FBXW11: variants seen among roughly 807,000 people sequenced by gnomAD.
FBXW11 encodes the protein F-box/WD repeat-containing protein 11.
FBXW11 carries 19 observed loss-of-function variants against 77.6 expected under a neutral mutation model. That is an observed-to-expected ratio of 0.24 (90% CI 0.17 to 0.36). The LOEUF (loss-of-function observed/expected upper bound fraction) is 0.36, where lower values mean the gene tolerates loss of function less well. FBXW11 is among the 10% of genes least tolerant of loss of function. The pLI, the probability that FBXW11 is intolerant of heterozygous loss-of-function variation, is 1.00. For synonymous variants in FBXW11, 235 were observed against 249.4 expected, an observed-to-expected ratio of 0.94 and a Z score of 0.54; for missense variants, 334 against 704.2, an observed-to-expected ratio of 0.47 and a Z score of 5.95.
At chr5:172,001,675 T>C (rs1315436593) in intron 1 of FBXW11, among the ~76,000 whole-genome samples, 1 of 152,224 alleles carries the variant, frequency 6.6e-6, no homozygotes, top group Middle Eastern at 3.2e-3. Flanking sequence ...ATATAGGCAG[T>C]GCTATACAGA....
In FBXW11 at chr5:171,960,398, A is replaced by G. The variant is rs528775387; in HGVS notation, c.46-2700T>C. 2.6e-5 allele frequency among the ~76,000 whole-genome samples: 4 copies of G among 152,298 alleles called. No homozygotes were observed. The South Asian group carries it at 6.2e-4, about 24-fold the overall frequency. On this transcript the variant is annotated intron_variant, in intron 1 of 13. Coordinates refer to ENST00000517395, the MANE Select transcript of FBXW11 (RefSeq NM_001378974.1). ...TCAACAACAACAACAAAAAAGGATT[A>G]CATCTGGATTCAGCAACTAATATCA...
At chr5:171,910,856 T>G (rs1179689878) in intron 3 of FBXW11, 59 bp from the exon 4 acceptor site, 1 of 1,205,332 alleles carries the variant, frequency 8.3e-7, no homozygotes, top group East Asian at 2.5e-5. Context: ...TAATTAATAT[T>G]TCATTAGAAA....
intron 2 of FBXW11, among the ~76,000 whole-genome samples, chr5:171,951,574 T>C (rs952823052): frequency 6.6e-6 from 1 of 151,236 alleles, no homozygotes; most frequent in African/African-American, 2.4e-5. Flanking sequence ...CTATTTTTTT[T>C]TGAAAATAAA....
intron 2 of FBXW11, among the ~76,000 whole-genome samples, chr5:171,930,769 A>T (rs1262119624): frequency 1.1e-4 from 17 of 149,030 alleles, no homozygotes; most frequent in African/African-American, 3.4e-4. Context: ...AAATAAAAAA[A>T]AAAAAAAGAA....
At chr5:171,952,933 ATTC>A (rs1763423459) in intron 2 of FBXW11, among the ~76,000 whole-genome samples, 1 of 151,810 alleles carries the variant, frequency 6.6e-6, no homozygotes, top group Non-Finnish European at 1.5e-5. Flanking sequence ...GTCCAAGACA[ATTC>A]TTCTTCCAAT....
At chr5:171,994,516 A>G (rs1348243686) in intron 1 of FBXW11, among the ~76,000 whole-genome samples, 2 of 152,238 alleles carry the variant, frequency 1.3e-5, no homozygotes, top group Non-Finnish European at 2.9e-5. Context: ...ATCAGTATAC[A>G]GCAAATATTT....
intron 1 of FBXW11, among the ~76,000 whole-genome samples, chr5:171,976,242 C>G (rs1407355407): frequency 1.3e-5 from 2 of 152,124 alleles, no homozygotes; most frequent in African/African-American, 4.8e-5. Flanking sequence ...TTTTCAACTT[C>G]TGAAAGAAGT....
intron 2 of FBXW11, among the ~76,000 whole-genome samples, chr5:171,939,691 T>G (rs1762649079): frequency 1.1e-5 from 1 of 89,310 alleles, no homozygotes. Context: ...AGCAAGACCC[T>G]GTCTCAAAAA....
At chr5:171,967,249 TAAAG>T (rs1237022775) in intron 1 of FBXW11, among the ~76,000 whole-genome samples, 1 of 152,076 alleles carries the variant, frequency 6.6e-6, no homozygotes, top group Admixed American at 6.6e-5. Context: ...GGAGACAAAA[TAAAG>T]AAATGTCCAA....
Position 171,868,692 on chromosome 5 carries a change from GGGA to G in FBXW11, c.1632_1634del (p.Pro545del). 6.2e-7 allele frequency: 1 copy of G among 1,613,930 alleles called. No homozygotes were observed. The highest frequency in any genetic ancestry group is 8.5e-7 in the Non-Finnish European group (1 of 1,179,908). On this transcript the variant is annotated inframe_deletion, in exon 13 of 14. Coordinates refer to ENST00000517395, the MANE Select transcript of FBXW11 (RefSeq NM_001378974.1). ...GAGAACGGGTCTCATTCTGGGCACT[GGGA>G]GGCACATTTAAGAAATCCCAAATCA...
intron 3 of FBXW11, among the ~76,000 whole-genome samples, chr5:171,912,649 G>T (rs13154333): frequency 0.037 from 5,651 of 152,270 alleles, 144 homozygotes; most frequent in Middle Eastern, 0.13. Context: ...GCTCATGCCT[G>T]TAATCCCAGC....
At chr5:171,879,838 G>A (rs1189873009) in intron 7 of FBXW11, among the ~76,000 whole-genome samples, 4 of 152,210 alleles carry the variant, frequency 2.6e-5, no homozygotes, top group South Asian at 2.1e-4. Flanking sequence ...AGATTCAAGA[G>A]TTCTTTGTAT....
intron 2 of FBXW11, among the ~76,000 whole-genome samples, chr5:171,917,436 T>C (rs930712156): frequency 1.3e-5 from 2 of 152,184 alleles, no homozygotes; most frequent in Admixed American, 1.3e-4. Context: ...TGTTTACTTA[T>C]ATGGTTGATA....
chr5:171,940,095 T>C (rs551084080), intron 2 of FBXW11, among the ~76,000 whole-genome samples: 30 of 152,334 alleles, frequency 2.0e-4, no homozygotes, highest in African/African-American at 6.7e-4. Context: ...CCTAGGTTGA[T>C]TGAATCCATG....
chr5:171,966,553 T>A (rs1332726217), intron 1 of FBXW11, among the ~76,000 whole-genome samples: 1 of 152,206 alleles, frequency 6.6e-6, no homozygotes, highest in Non-Finnish European at 1.5e-5. Flanking sequence ...TCAGTTGTAC[T>A]AGGACCAGCG....
intron 1 of FBXW11, among the ~76,000 whole-genome samples, chr5:171,990,876 G>A (rs990306993): frequency 1.3e-5 from 2 of 152,058 alleles, no homozygotes; most frequent in Non-Finnish European, 2.9e-5. Flanking sequence ...CTGGGCTGGA[G>A]TACAATGACA....
chr5:171,916,570 G>A, intron 2 of FBXW11: 3 of 562,082 alleles, frequency 5.3e-6, no homozygotes, highest in Non-Finnish European at 6.8e-6. Flanking sequence ...AGTATTTATG[G>A]AGGTCTCTCC....
chr5:171,952,214 C>A (rs1198401668), intron 2 of FBXW11, among the ~76,000 whole-genome samples: 2 of 151,262 alleles, frequency 1.3e-5, no homozygotes, highest in African/African-American at 4.9e-5. Context: ...TTCCTCCCTA[C>A]CGAACAGACA....
At chr5:171,918,618 AAT>A (rs763563445) in intron 2 of FBXW11, among the ~76,000 whole-genome samples, 2 of 152,234 alleles carry the variant, frequency 1.3e-5, no homozygotes, top group Non-Finnish European at 2.9e-5. Context: ...ATCACACGTA[AAT>A]AGATTACAAT....
Sources: gnomAD v4.1 joint callset for allele counts (sites outside exome capture counted in the v4.1 genomes callset) on GRCh38, gnomAD v4.1.1 for gene constraint, MANE v1.5 for transcripts, NCBI Gene and HGNC (gene_info 2026-07-23, HGNC 2026-07-21) for gene names.